NLGN1: variants seen among roughly 807,000 people sequenced by gnomAD.
NLGN1 encodes neuroligin 1, also known as neuroligin-1.
A neutral mutation model predicts 65.5 loss-of-function variants in NLGN1; 12 were observed. The ratio of observed to expected loss-of-function variants is 0.18; its 90% CI spans 0.12 to 0.30. The LOEUF (loss-of-function observed/expected upper bound fraction) is 0.30. NLGN1 is among the 10% of genes least tolerant of loss of function. The probability of loss-of-function intolerance (pLI) is 1.00; values close to 1 mark genes in which losing one functional copy is unlikely to be tolerated. For missense variants in NLGN1, 750 were observed against 1,007.1 expected (o/e 0.74, Z 3.46); for synonymous variants, 350 against 359.5 (o/e 0.97, Z 0.30).
At chr3:173,590,272 A>T (rs1188538772) in intron 2 of NLGN1, among the ~76,000 whole-genome samples, 2 of 152,160 alleles carry the variant, frequency 1.3e-5, no homozygotes, top group Non-Finnish European at 2.9e-5. Context: ...AACACTTTAC[A>T]CATAAGTGAC....
intron 4 of NLGN1, among the ~76,000 whole-genome samples, chr3:174,010,393 G>A (rs982565938): frequency 6.6e-6 from 1 of 152,020 alleles, no homozygotes; most frequent in Non-Finnish European, 1.5e-5. Flanking sequence ...CCCAAATATT[G>A]ACACTTTTTT....
At chr3:173,781,826 A>T (rs932461542) in intron 3 of NLGN1, among the ~76,000 whole-genome samples, 3 of 152,248 alleles carry the variant, frequency 2.0e-5, no homozygotes, top group Admixed American at 1.3e-4. Context: ...TTTTAAACAA[A>T]GTATATTAGG....
At chr3:174,036,781 T>C (rs1731227688) in intron 4 of NLGN1, among the ~76,000 whole-genome samples, 1 of 152,000 alleles carries the variant, frequency 6.6e-6, no homozygotes, top group Admixed American at 6.6e-5. Flanking sequence ...TAGACCCCAG[T>C]GTGTGGGGTT....
intron 3 of NLGN1, among the ~76,000 whole-genome samples, chr3:173,690,629 C>T (rs78752730): frequency 0.028 from 4,304 of 152,152 alleles, 90 homozygotes; most frequent in Middle Eastern, 0.044. Flanking sequence ...TGTCAGATTC[C>T]GTAGAAGCTC....
rs115492377 is a variant in NLGN1 at position 174,251,613 on chromosome 3, C to G, written c.647-23702C>G. ...ATGATATTTCTTTTGGCATGGATAACAGGTAAAAACCCTAAAGAGCACATT... is the reference window on the plus strand; with the variant it reads ...ATGATATTTCTTTTGGCATGGATAAGAGGTAAAAACCCTAAAGAGCACATT... On this transcript the variant is annotated intron_variant, in intron 4 of 6. Transcript: ENST00000457714. Among the ~76,000 whole-genome samples, 875 of 152,238 alleles carry G rather than the reference C, an allele frequency of 5.7e-3. 10 individuals are homozygous for G. The highest frequency in any genetic ancestry group is 0.026 in the East Asian group (133 of 5,186).
intron 2 of NLGN1, among the ~76,000 whole-genome samples, chr3:173,542,289 C>A (rs1473689475): frequency 6.6e-6 from 1 of 151,938 alleles, no homozygotes; most frequent in Non-Finnish European, 1.5e-5. Flanking sequence ...CTCTGCAGAT[C>A]TTCTCTAAAT....
chr3:173,424,049 A>T (rs1277052215), intron 1 of NLGN1, among the ~76,000 whole-genome samples: 2 of 152,192 alleles, frequency 1.3e-5, no homozygotes, highest in Non-Finnish European at 2.9e-5. Context: ...CACCATGTGG[A>T]AGCTGAACAC....
chr3:173,573,986 C>T (rs1220117486), intron 2 of NLGN1, among the ~76,000 whole-genome samples: 2 of 148,702 alleles, frequency 1.3e-5, no homozygotes, highest in Admixed American at 1.3e-4. Context: ...TGGCGTGAAC[C>T]CAGGAGGCGG....
At chr3:173,435,309 C>T (rs1192561046) in intron 2 of NLGN1, among the ~76,000 whole-genome samples, 1 of 152,142 alleles carries the variant, frequency 6.6e-6, no homozygotes, top group Non-Finnish European at 1.5e-5. Flanking sequence ...TTTGAGTGTA[C>T]ACTTTTTCTC....
At chr3:173,935,252 A>G (rs1371514916) in intron 4 of NLGN1, among the ~76,000 whole-genome samples, 1 of 151,990 alleles carries the variant, frequency 6.6e-6, no homozygotes, top group Non-Finnish European at 1.5e-5. Context: ...TTACAGTTAA[A>G]CTATCTGGGG....
At chr3:174,129,977 A>G (rs1008820641) in intron 4 of NLGN1, among the ~76,000 whole-genome samples, 25 of 152,248 alleles carry the variant, frequency 1.6e-4, no homozygotes, top group African/African-American at 6.0e-4. Context: ...TAGGATCTGT[A>G]AGAGCCTGTC....
intron 2 of NLGN1, among the ~76,000 whole-genome samples, chr3:173,464,725 G>A (rs561389357): frequency 6.6e-6 from 1 of 152,240 alleles, no homozygotes; most frequent in South Asian, 2.1e-4. Context: ...GTGAGCCACC[G>A]TACCTGGCTG....
At chr3:173,920,709 T>C (rs1741821939) in intron 4 of NLGN1, 1 of 152,154 alleles carries the variant, frequency 6.6e-6, no homozygotes, top group Non-Finnish European at 1.5e-5. Flanking sequence ...AGCCACCTGC[T>C]GAAGGAGAAA....
chr3:173,500,088 G>A (rs1730794017), intron 2 of NLGN1, among the ~76,000 whole-genome samples: 1 of 152,108 alleles, frequency 6.6e-6, no homozygotes, highest in Non-Finnish European at 1.5e-5. Flanking sequence ...CCAACACCAT[G>A]TTGAATAGGA....
chr3:173,772,897 A>G (rs1470239708), intron 3 of NLGN1, among the ~76,000 whole-genome samples: 1 of 151,754 alleles, frequency 6.6e-6, no homozygotes, highest in Non-Finnish European at 1.5e-5. Context: ...CTATAATTCC[A>G]CCTCGCTTTT....
chr3:173,735,830 A>AT (rs1773654267), intron 3 of NLGN1, among the ~76,000 whole-genome samples: 1 of 152,052 alleles, frequency 6.6e-6, no homozygotes, highest in Admixed American at 6.6e-5. Flanking sequence ...CATTCACATA[A>AT]TTTTTTTAAA....
At chr3:173,694,021 T>C (rs981270530) in intron 3 of NLGN1, among the ~76,000 whole-genome samples, 1 of 152,054 alleles carries the variant, frequency 6.6e-6, no homozygotes, top group East Asian at 1.9e-4. Context: ...AAGAAAATAA[T>C]AGGAAGAAAA....
intron 4 of NLGN1, among the ~76,000 whole-genome samples, chr3:173,977,851 A>T (rs1213135285): frequency 6.6e-6 from 1 of 152,072 alleles, no homozygotes; most frequent in Non-Finnish European, 1.5e-5. Context: ...ACTAGATGAT[A>T]ATTGAATCTG....
intron 4 of NLGN1, among the ~76,000 whole-genome samples, chr3:173,841,939 A>T (rs1467176117): frequency 6.6e-6 from 1 of 152,150 alleles, no homozygotes; most frequent in Non-Finnish European, 1.5e-5. Context: ...GGGAGGAAAA[A>T]AGCAGCCTGT....
Sources: gnomAD v4.1 joint callset for allele counts (sites outside exome capture counted in the v4.1 genomes callset) on GRCh38, gnomAD v4.1.1 for gene constraint, MANE v1.5 for transcripts, NCBI Gene and HGNC (gene_info 2026-07-23, HGNC 2026-07-21) for gene names.